The following LSAMP variants were observed in gnomAD, a reference collection of about 807,000 sequenced individuals.
The protein encoded by LSAMP is limbic system associated membrane protein.
A neutral mutation model predicts 38.6 loss-of-function variants in LSAMP; 7 were observed. The observed-to-expected ratio is 0.18, with a 90% CI of 0.10 to 0.34. LSAMP has a LOEUF of 0.34. Ranked by LOEUF, LSAMP falls within the 10% of genes least tolerant of loss-of-function variation. LSAMP has a pLI of 1.00. For missense variants in LSAMP, 313 were observed against 420.0 expected (o/e 0.75, Z 2.23); for synonymous variants, 154 against 166.8 (o/e 0.92, Z 0.59).
At chr3:115,990,911 G>A (rs1407364807) in intron 3 of LSAMP, among the ~76,000 whole-genome samples, 1 of 151,982 alleles carries the variant, frequency 6.6e-6, no homozygotes, top group Non-Finnish European at 1.5e-5. Flanking sequence ...CCATTTAACA[G>A]GCACCCCAGT....
chr3:116,031,439 C>G (rs942267427), intron 2 of LSAMP, among the ~76,000 whole-genome samples: 1 of 146,910 alleles, frequency 6.8e-6, no homozygotes, highest in Non-Finnish European at 1.5e-5. Context: ...TCTAATTTTT[C>G]ATTTCATTTT....
At chr3:115,972,407 GA>G (rs1177103249) in intron 3 of LSAMP, among the ~76,000 whole-genome samples, 1 of 151,756 alleles carries the variant, frequency 6.6e-6, no homozygotes, top group African/African-American at 2.4e-5. Context: ...CTACGACTAA[GA>G]AAAAAGACAT....
chr3:116,189,859 C>T (rs761089228), intron 1 of LSAMP, among the ~76,000 whole-genome samples: 16 of 152,022 alleles, frequency 1.1e-4, no homozygotes, highest in Admixed American at 2.0e-4. Context: ...AAAGATGAAA[C>T]AATCATTTTG....
At chr3:116,130,635 A>G (rs934080106) in intron 1 of LSAMP, among the ~76,000 whole-genome samples, 1 of 152,154 alleles carries the variant, frequency 6.6e-6, no homozygotes, top group African/African-American at 2.4e-5. Context: ...GGGAATCCAA[A>G]ATAATCTATT....
In LSAMP at chr3:115,805,380, TTTTA is replaced by T. The variant is rs1313755838; in HGVS notation, c.*4933_*4936del. The T allele has an allele frequency of 6.6e-6, 1 of 152,162 alleles. No homozygotes were observed. The highest frequency in any genetic ancestry group is 1.5e-5 in the Non-Finnish European group (1 of 68,032). 9.4% of individuals were successfully genotyped at this position (152,162 alleles called of 1,614,324 possible). A position where few individuals can be genotyped will look rare whatever the true frequency, so the allele number is the denominator to read the frequency against. ...GTGAAACGTTTCAGTTTTTATTTAT[TTTTA>T]TTTGATTTTTTTTTCCTTAAGAATC... On this transcript the variant is annotated 3_prime_UTR_variant, in exon 7 of 7. Transcript: ENST00000490035.
chr3:116,114,550 G>A (rs1211251910), intron 1 of LSAMP, among the ~76,000 whole-genome samples: 2 of 151,912 alleles, frequency 1.3e-5, no homozygotes, highest in Non-Finnish European at 2.9e-5. Flanking sequence ...GAAAACCAGA[G>A]AGCCTTGGGT....
chr3:116,153,244 A>G (rs1438119926), intron 1 of LSAMP, among the ~76,000 whole-genome samples: 8 of 152,116 alleles, frequency 5.3e-5, no homozygotes, highest in African/African-American at 1.7e-4. Flanking sequence ...GAGCCCCCCT[A>G]TTATCTTTTG....
intron 3 of LSAMP, among the ~76,000 whole-genome samples, chr3:115,999,910 A>C (rs1455887438): frequency 2.6e-5 from 4 of 152,182 alleles, no homozygotes. Flanking sequence ...TGCCATTAGC[A>C]GGTTCCTGAC....
intron 1 of LSAMP, among the ~76,000 whole-genome samples, chr3:116,125,387 C>T (rs1708985175): frequency 1.4e-5 from 2 of 138,610 alleles, no homozygotes; most frequent in Non-Finnish European, 1.6e-5. Flanking sequence ...GAGTTTCCTT[C>T]ATTGTTTTTT....
At chr3:115,930,002 G>GTTTTTTTTTTTTTTTTT (rs1170325465) in intron 3 of LSAMP, among the ~76,000 whole-genome samples, 1 of 80,292 alleles carries the variant, frequency 1.2e-5, no homozygotes, top group Non-Finnish European at 2.2e-5. Context: ...TTTAGCAGAA[G>GTTTTTTTTTTTTTTTTT]TTTTTTTTTT....
chr3:115,828,290 T>C (rs538241836), intron 6 of LSAMP, among the ~76,000 whole-genome samples: 7 of 152,360 alleles, frequency 4.6e-5, no homozygotes, highest in Non-Finnish European at 7.3e-5. Flanking sequence ...TGTCAGGGGC[T>C]GGTACTATCT....
intron 1 of LSAMP, among the ~76,000 whole-genome samples, chr3:116,308,618 T>C (rs1046205330): frequency 5.9e-5 from 9 of 152,050 alleles, no homozygotes; most frequent in Non-Finnish European, 1.0e-4. Context: ...GATTTCTATT[T>C]TCTATTTTCT....
Position 115,810,258 on chromosome 3 carries a change from T to TCTCC in LSAMP, c.*58_*59insGGAG. The TCTCC allele has an allele frequency of 1.7e-6, 2 of 1,182,654 alleles. No individual in the cohort carries two copies. Among genetic ancestry groups the TCTCC allele is most frequent in the Non-Finnish European group, 1.2e-6 (1 of 821,080 alleles). The allele number at this position is 1,182,654 out of a possible 1,614,324, so 73.3% of individuals were successfully genotyped here. A position where few individuals can be genotyped will look rare whatever the true frequency, so the allele number is the denominator to read the frequency against. ...CTCTCTCTCTCTGTCTCTCTCTCTC[T>TCTCC]GTATTCTGTGTGACGCATTTTTGTG... On this transcript the variant is annotated 3_prime_UTR_variant, in exon 7 of 7. Coordinates refer to ENST00000490035, the MANE Select transcript of LSAMP (RefSeq NM_002338.5).
chr3:116,284,843 A>G (rs760529392), intron 1 of LSAMP, among the ~76,000 whole-genome samples: 6 of 152,230 alleles, frequency 3.9e-5, no homozygotes, highest in Admixed American at 2.6e-4. Context: ...GATCAAGTCC[A>G]CAAGTTCATC....
chr3:115,802,542 A>G lies in LSAMP; in HGVS notation c.*7775T>C, dbSNP rs1423235440. On this transcript the variant is annotated 3_prime_UTR_variant, in exon 7 of 7. Transcript: ENST00000490035. ...TTAATTTTAATTTTTTTTTTTTAACACACATTGCGCTTTTTATCTCCTTCA... is the reference window on the plus strand; with the variant it reads ...TTAATTTTAATTTTTTTTTTTTAACGCACATTGCGCTTTTTATCTCCTTCA... 6.7e-6 allele frequency: 1 copy of G among 148,158 alleles called. No individual in the cohort carries two copies. The allele number at this position is 148,158 out of a possible 1,614,324, so 9.2% of individuals were successfully genotyped here.
chr3:116,155,188 T>C (rs1709716437), intron 1 of LSAMP, among the ~76,000 whole-genome samples: 1 of 152,096 alleles, frequency 6.6e-6, no homozygotes, highest in Non-Finnish European at 1.5e-5. Context: ...CACTGGACTC[T>C]CTCATGAGGG....
intron 4 of LSAMP, among the ~76,000 whole-genome samples, chr3:115,845,192 T>C (rs1023348771): frequency 2.6e-5 from 4 of 152,210 alleles, no homozygotes; most frequent in African/African-American, 9.6e-5. Flanking sequence ...CGACCAGCAG[T>C]AGAATACTCA....
rs9872935 is a variant in LSAMP at position 116,101,813 on chromosome 3, T to G, written c.156-15257A>C. The stretch of plus-strand genomic sequence containing the variant: ...ATTTCGAATATATTGATGCCCTTTC[T>G]GTATTTGGTAGACTTAAATATGAAC... On this transcript the variant is annotated intron_variant, in intron 1 of 6. Coordinates refer to ENST00000490035, the MANE Select transcript of LSAMP (RefSeq NM_002338.5). Among the ~76,000 whole-genome samples, 1,339 of 152,306 alleles carry G rather than the reference T, an allele frequency of 8.8e-3. 22 individuals are homozygous for G. The highest frequency in any genetic ancestry group is 0.029 in the African/African-American group (1,205 of 41,572).
chr3:115,822,918 G>T (rs1369998815), intron 6 of LSAMP, among the ~76,000 whole-genome samples: 1 of 152,152 alleles, frequency 6.6e-6, no homozygotes, highest in East Asian at 1.9e-4. Flanking sequence ...AATGACATAG[G>T]CATGAGTAGA....
Sources: allele counts gnomAD v4.1 joint callset (sites outside exome capture counted in the v4.1 genomes callset), GRCh38; gene constraint gnomAD v4.1.1; transcripts MANE v1.5; gene names NCBI Gene and HGNC (gene_info 2026-07-23, HGNC 2026-07-21).